The following AOPEP variants were observed in gnomAD, a reference collection of about 807,000 sequenced individuals.
The protein encoded by AOPEP is aminopeptidase O.
AOPEP carries 77 observed loss-of-function variants against 98.1 expected under a neutral mutation model. The observed-to-expected ratio is 0.78, with a 90% CI of 0.65 to 0.95. AOPEP has a LOEUF of 0.95. Among genes scored for constraint, AOPEP ranks in the 40% least tolerant of loss-of-function variants. AOPEP has a pLI of 0.00. For missense variants in AOPEP, 1,024 were observed against 1,024.7 expected (o/e 1.00, Z 0.01); for synonymous variants, 346 against 365.3 (o/e 0.95, Z 0.60).
chr9:95,118,419 T>A, the AOPEP span, among the ~76,000 whole-genome samples: 1 of 152,354 alleles, frequency 6.6e-6, no homozygotes, highest in African/African-American at 2.4e-5. Context: ...CACAGAAGCT[T>A]TTTTAAAAAT....
At chr9:94,766,147 T>G (rs1170742345) in intron 2 of AOPEP, among the ~76,000 whole-genome samples, 2 of 152,234 alleles carry the variant, frequency 1.3e-5, no homozygotes, top group African/African-American at 4.8e-5. Flanking sequence ...AGAAATAAAC[T>G]TTTAAAATGG....
intron 11 of AOPEP, among the ~76,000 whole-genome samples, chr9:94,988,508 C>T (rs1198314746): frequency 3.9e-5 from 6 of 152,026 alleles, no homozygotes; most frequent in African/African-American, 1.2e-4. Context: ...AGTATGACAC[C>T]GTAGAGAGAA....
chr9:94,933,312 GAC>G, intron 7 of AOPEP: 1 of 985,504 alleles, frequency 1.0e-6, no homozygotes, highest in Non-Finnish European at 1.2e-6. Flanking sequence ...AGCACACTCT[GAC>G]AGGCCCCAGG....
chr9:94,775,612 G>A (rs1209390038), intron 3 of AOPEP, among the ~76,000 whole-genome samples: 7 of 151,576 alleles, frequency 4.6e-5, no homozygotes, highest in Non-Finnish European at 7.4e-5. Flanking sequence ...TGATCTGCCC[G>A]CCTAAGCCTC....
intron 9 of AOPEP, among the ~76,000 whole-genome samples, chr9:94,960,426 AG>A (rs1457800175): frequency 1.3e-5 from 2 of 151,812 alleles, no homozygotes; most frequent in African/African-American, 4.8e-5. Flanking sequence ...AAAAAAAAAA[AG>A]ATGAGGAATT....
chr9:94,727,305 G>C (rs911047449), intron 1 of AOPEP, among the ~76,000 whole-genome samples: 3 of 152,106 alleles, frequency 2.0e-5, no homozygotes, highest in African/African-American at 7.2e-5. Flanking sequence ...GCGGGGAGGG[G>C]GTGGCACAGT....
At chr9:95,056,955 T>A (rs2066878211) in intron 13 of AOPEP, among the ~76,000 whole-genome samples, 1 of 152,172 alleles carries the variant, frequency 6.6e-6, no homozygotes, top group Non-Finnish European at 1.5e-5. Context: ...TTGTGTAAAT[T>A]TCCGAGGCAG....
intron 6 of AOPEP, among the ~76,000 whole-genome samples, chr9:94,926,058 C>A (rs2054271189): frequency 6.6e-6 from 1 of 152,206 alleles, no homozygotes; most frequent in Admixed American, 6.5e-5. Flanking sequence ...TGGAGTGCCT[C>A]CCTTCTGAGA....
intron 5 of AOPEP, among the ~76,000 whole-genome samples, chr9:94,840,995 G>A (rs1411521810): frequency 6.6e-6 from 1 of 151,924 alleles, no homozygotes; most frequent in African/African-American, 2.4e-5. Flanking sequence ...ATAGATTCCT[G>A]ATCTTACTTT....
At chr9:95,126,574 G>A in the AOPEP span, 6 of 1,614,022 alleles carry the variant, frequency 3.7e-6, no homozygotes, top group Admixed American at 1.0e-4. Context: ...GTGGCAGGCT[G>A]CTTGAGGCTG....
chr9:95,077,445 G>A (rs770976598), intron 14 of AOPEP, among the ~76,000 whole-genome samples: 2 of 152,230 alleles, frequency 1.3e-5, no homozygotes, highest in Non-Finnish European at 2.9e-5. Context: ...AGACAGTGAG[G>A]AGTGCCCACT....
At chr9:95,135,593 A>G in the AOPEP span, 2 of 1,050,728 alleles carry the variant, frequency 1.9e-6, no homozygotes, top group South Asian at 1.4e-5. Context: ...CACTAATCCA[A>G]TTTGTGAGAC....
chr9:94,868,698 G>C (rs1048641834), intron 5 of AOPEP, among the ~76,000 whole-genome samples: 1 of 152,134 alleles, frequency 6.6e-6, no homozygotes, highest in Non-Finnish European at 1.5e-5. Flanking sequence ...GATGAGTGGG[G>C]CCTTGTGACT....
At chr9:95,065,612 G>A (rs1272205994) in intron 14 of AOPEP, among the ~76,000 whole-genome samples, 1 of 152,264 alleles carries the variant, frequency 6.6e-6, no homozygotes, top group East Asian at 1.9e-4. Flanking sequence ...TACAAGGCAG[G>A]TTTTCAGATT....
chr9:94,753,571 T>C (rs1415635872), intron 1 of AOPEP, among the ~76,000 whole-genome samples: 1 of 151,944 alleles, frequency 6.6e-6, no homozygotes, highest in Non-Finnish European at 1.5e-5. Flanking sequence ...GCAAAGAAAA[T>C]CATGGGCGAT....
intron 2 of AOPEP, chr9:94,763,363 A>G (rs576751007): frequency 4.0e-6 from 1 of 247,316 alleles, no homozygotes; most frequent in East Asian, 1.2e-4. Flanking sequence ...TGGCTTCCCC[A>G]TTTCCCACCT....
chr9:94,779,998 G>A (rs1336679481), intron 3 of AOPEP, among the ~76,000 whole-genome samples: 1 of 152,196 alleles, frequency 6.6e-6, no homozygotes, highest in African/African-American at 2.4e-5. Context: ...AATACAGATG[G>A]GAACTCTGAA....
the AOPEP span, chr9:95,107,137 T>C: frequency 1.2e-6 from 2 of 1,614,210 alleles, no homozygotes; most frequent in East Asian, 2.2e-5. Flanking sequence ...AGAAGGTGCC[T>C]GATCAGCTGT....
intron 5 of AOPEP, among the ~76,000 whole-genome samples, chr9:94,812,799 A>T (rs1182346216): frequency 6.6e-6 from 1 of 152,146 alleles, no homozygotes; most frequent in Non-Finnish European, 1.5e-5. Flanking sequence ...TTACAAAGGG[A>T]CACTTCCCTT....
Sources: allele counts gnomAD v4.1 joint callset (sites outside exome capture counted in the v4.1 genomes callset), GRCh38; gene constraint gnomAD v4.1.1; transcripts MANE v1.5; gene names NCBI Gene and HGNC (gene_info 2026-07-23, HGNC 2026-07-21).